The following ADAMTS12 variants were observed in gnomAD, a reference collection of about 807,000 sequenced individuals.
The protein encoded by ADAMTS12 is ADAM metallopeptidase with thrombospondin type 1 motif 12, also known as A disintegrin and metalloproteinase with thrombospondin motifs 12.
Under a neutral mutation model 167.8 loss-of-function variants are expected in ADAMTS12, and 118 were observed. The observed-to-expected ratio is 0.70, with a 90% CI of 0.61 to 0.82. ADAMTS12 has a LOEUF of 0.82. ADAMTS12 is among the 40% of genes least tolerant of loss of function. The pLI, the probability that ADAMTS12 is intolerant of heterozygous loss-of-function variation, is 0.00. For synonymous variants in ADAMTS12, 704 were observed against 716.9 expected (o/e 0.98, Z 0.29); for missense variants, 1,916 against 1,998.8 (o/e 0.96, Z 0.79).
In ADAMTS12 at chr5:33,615,951, T is replaced by C; in HGVS notation, c.2265A>G (p.Gly755=). ...TCCCGTTCCACTGGATAATAAACCC[T>C]CCATTCAGGTAATATTTTTCAGGAT... ...SEDPEKYYLN[G]GFIIQWNGNY... The change falls in exon 15 of 24, where the codon GGA becomes GGG. Residue 755 remains glycine (G), a synonymous_variant. Coordinates refer to ENST00000504830, the MANE Select transcript of ADAMTS12 (RefSeq NM_030955.4). The C allele has an allele frequency of 6.2e-7, 1 of 1,614,028 alleles. No homozygotes were observed. The highest frequency in any genetic ancestry group is 8.5e-7 in the Non-Finnish European group (1 of 1,180,000).
intron 5 of ADAMTS12, among the ~76,000 whole-genome samples, chr5:33,678,820 A>G (rs1324372479): frequency 6.6e-6 from 1 of 152,226 alleles, no homozygotes; most frequent in African/African-American, 2.4e-5. Context: ...AGGAAACAAG[A>G]TGAAAAGAAA....
chr5:33,588,229 GCAGT>G (rs1319991031), intron 18 of ADAMTS12, among the ~76,000 whole-genome samples: 1 of 152,184 alleles, frequency 6.6e-6, no homozygotes, highest in Admixed American at 6.5e-5. Context: ...ACAGTGATGT[GCAGT>G]CAATGTTTTA....
chr5:33,548,058 T>C lies in ADAMTS12; in HGVS notation c.4302+1149A>G, dbSNP rs371181276. Reference sequence around the variant, plus strand: ...GAGCCTCAGGAATCAGTGTGGATGCTTGGCCGGTGGGTGGTAAGTAACTCG... The same window carrying C: ...GAGCCTCAGGAATCAGTGTGGATGCCTGGCCGGTGGGTGGTAAGTAACTCG... On this transcript the variant is annotated intron_variant, in intron 21 of 23. Transcript: ENST00000504830. 1.2e-3 allele frequency among the ~76,000 whole-genome samples: 189 copies of C among 152,302 alleles called. 1 individual carries two copies. Among genetic ancestry groups the C allele is most frequent in the African/African-American group, 4.4e-3 (184 of 41,554 alleles).
intron 16 of ADAMTS12, among the ~76,000 whole-genome samples, chr5:33,606,111 C>A (rs972929908): frequency 6.6e-6 from 1 of 152,166 alleles, no homozygotes; most frequent in Non-Finnish European, 1.5e-5. Flanking sequence ...CCACGCCTGG[C>A]TAATTTTTGT....
intron 23 of ADAMTS12, among the ~76,000 whole-genome samples, chr5:33,531,767 C>G (rs1420000724): frequency 6.6e-6 from 1 of 152,174 alleles, no homozygotes; most frequent in Non-Finnish European, 1.5e-5. Flanking sequence ...CTCACATGTT[C>G]TTGGAAACCA....
At chr5:33,582,399 G>A (rs1036330781) in intron 18 of ADAMTS12, among the ~76,000 whole-genome samples, 1 of 152,194 alleles carries the variant, frequency 6.6e-6, no homozygotes. Flanking sequence ...GGAATCCAGA[G>A]GGTCAGCGAC....
chr5:33,548,608 A>G (rs986635237), intron 21 of ADAMTS12, among the ~76,000 whole-genome samples: 2 of 152,042 alleles, frequency 1.3e-5, no homozygotes, highest in African/African-American at 4.8e-5. Context: ...AAATGAGATC[A>G]TCACACTTCA....
At chr5:33,715,955 C>T (rs1184770172) in intron 3 of ADAMTS12, among the ~76,000 whole-genome samples, 1 of 152,100 alleles carries the variant, frequency 6.6e-6, no homozygotes, top group Non-Finnish European at 1.5e-5. Context: ...AATAAGGGCC[C>T]AGGCATTTTA....
intron 3 of ADAMTS12, among the ~76,000 whole-genome samples, chr5:33,722,311 ATTGTG>A (rs1239566278): frequency 1.3e-5 from 2 of 152,314 alleles, no homozygotes; most frequent in South Asian, 2.1e-4. Context: ...CTGACCCTGT[ATTGTG>A]TTATTTGTGT....
At chr5:33,779,182 GTA>G (rs1746023833) in intron 2 of ADAMTS12, among the ~76,000 whole-genome samples, 2 of 102,560 alleles carry the variant, frequency 2.0e-5, no homozygotes, top group African/African-American at 7.8e-5. Context: ...ACTGAAATTA[GTA>G]TTTTTTTTTT....
At chr5:33,682,725 G>C (rs1177118912) in intron 5 of ADAMTS12, among the ~76,000 whole-genome samples, 1 of 152,132 alleles carries the variant, frequency 6.6e-6, no homozygotes, top group African/African-American at 2.4e-5. Context: ...TCATGATTTA[G>C]TCTATTTCTT....
chr5:33,553,074 C>CA (rs1561121089), intron 20 of ADAMTS12, among the ~76,000 whole-genome samples: 1 of 151,904 alleles, frequency 6.6e-6, no homozygotes. Context: ...AGACACTTTT[C>CA]AAAAAAAGAC....
At chr5:33,704,875 A>G (rs1328273386) in intron 3 of ADAMTS12, among the ~76,000 whole-genome samples, 3 of 151,942 alleles carry the variant, frequency 2.0e-5, no homozygotes, top group Non-Finnish European at 2.9e-5. Flanking sequence ...TTCGTTACCT[A>G]TACTTTTGGT....
At chr5:33,643,241 T>C in intron 10 of ADAMTS12, 137 bp downstream of exon 10, 1 of 797,882 alleles carries the variant, frequency 1.3e-6, no homozygotes, top group Non-Finnish European at 2.1e-6. Context: ...GGTGATCTCC[T>C]CTGGCTGGTC....
At chr5:33,847,807 C>T (rs1364074850) in intron 2 of ADAMTS12, among the ~76,000 whole-genome samples, 1 of 152,134 alleles carries the variant, frequency 6.6e-6, no homozygotes, top group Non-Finnish European at 1.5e-5. Context: ...AACAGGCCAC[C>T]TTTAATGGGT....
chr5:33,703,715 A>G (rs986051382), intron 3 of ADAMTS12, among the ~76,000 whole-genome samples: 10 of 152,154 alleles, frequency 6.6e-5, no homozygotes, highest in Admixed American at 6.6e-4. Context: ...TATGGTCACA[A>G]ATGGCAGTGC....
chr5:33,601,211 C>T (rs1421682446), intron 16 of ADAMTS12, among the ~76,000 whole-genome samples: 2 of 151,744 alleles, frequency 1.3e-5, no homozygotes, highest in African/African-American at 4.8e-5. Context: ...TTAACATTTA[C>T]TTACTGAGTA....
Position 33,645,920 on chromosome 5 carries a change from T to A in ADAMTS12, c.1480-2450A>T, listed in dbSNP as rs1230912092. Among the ~76,000 whole-genome samples the A allele has an allele frequency of 2.6e-5, 4 of 152,104 alleles. No homozygotes were observed. The South Asian group carries it at 8.3e-4, about 32-fold the overall frequency. The stretch of plus-strand genomic sequence containing the variant: ...GCTCACATGGTAGGAGAGGAGATAG[T>A]CTAGTAAACAAAAACCTAAAATATA... On this transcript the variant is annotated intron_variant, in intron 9 of 23. Coordinates refer to ENST00000504830, the MANE Select transcript of ADAMTS12 (RefSeq NM_030955.4).
At chr5:33,775,930 A>G (rs546385188) in intron 2 of ADAMTS12, among the ~76,000 whole-genome samples, 45 of 152,366 alleles carry the variant, frequency 3.0e-4, no homozygotes, top group African/African-American at 8.9e-4. Flanking sequence ...CCCTTCTGCC[A>G]TATGAGGACA....
Sources: allele counts gnomAD v4.1 joint callset (sites outside exome capture counted in the v4.1 genomes callset), GRCh38; gene constraint gnomAD v4.1.1; transcripts MANE v1.5; gene names NCBI Gene and HGNC (gene_info 2026-07-23, HGNC 2026-07-21).